The following GGA2 variants were observed in gnomAD, a reference collection of about 807,000 sequenced individuals.
GGA2 encodes golgi associated, gamma adaptin ear containing, ARF binding protein 2.
A neutral mutation model predicts 79.5 loss-of-function variants in GGA2; 48 were observed. The observed-to-expected ratio is 0.60, with a 90% CI of 0.48 to 0.77. GGA2 has a LOEUF of 0.77. Among genes scored for constraint, GGA2 ranks in the 30% least tolerant of loss-of-function variants. GGA2 has a pLI of 0.00. For synonymous variants in GGA2, 317 were observed against 302.0 expected, an observed-to-expected ratio of 1.05 and a Z score of -0.51; for missense variants, 770 against 774.0, an observed-to-expected ratio of 0.99 and a Z score of 0.06.
rs563247470 is a variant in GGA2, at chr16:23,488,233, C to T, written c.579+373G>A. Among the ~76,000 whole-genome samples, 5 of 152,226 alleles carry T rather than the reference C, an allele frequency of 3.3e-5. No individual in the cohort carries two copies. The South Asian group carries it at 1.0e-3, about 32-fold the overall frequency. ...ACACTCCCCACGGGCTATCCTTCTG[C>T]ACCTTCTTTCCCCCAGGAAGGCTGT... On this transcript the variant is annotated intron_variant, in intron 6 of 16. Transcript: ENST00000309859.
chr16:23,489,048 G>A (rs1269852505), intron 5 of GGA2, among the ~76,000 whole-genome samples: 1 of 152,144 alleles, frequency 6.6e-6, no homozygotes, highest in Non-Finnish European at 1.5e-5. Context: ...GGTCCCTGAT[G>A]AAGCTCCTGA....
intron 14 of GGA2, among the ~76,000 whole-genome samples, chr16:23,471,447 C>A (rs1219400721): frequency 6.6e-6 from 1 of 151,892 alleles, no homozygotes; most frequent in African/African-American, 2.4e-5. Flanking sequence ...GATAAAATTA[C>A]AATTCAAGTA....
upstream of GGA2, among the ~76,000 whole-genome samples, chr16:23,511,959 T>C (rs1965070090): frequency 9.2e-6 from 1 of 109,272 alleles, no homozygotes. Flanking sequence ...TAGGCAAGAA[T>C]TATTTTGCAT....
At chr16:23,479,578 C>T (rs1332872604) in intron 11 of GGA2, among the ~76,000 whole-genome samples, 187 bp downstream of exon 11, 1 of 152,062 alleles carries the variant, frequency 6.6e-6, no homozygotes, top group African/African-American at 2.4e-5. Flanking sequence ...CCAGCTCACT[C>T]CCCTACTCAC....
chr16:23,493,325 C>T (rs199739748), intron 4 of GGA2, 35 bp downstream of exon 4: 36 of 1,242,120 alleles, frequency 2.9e-5, no homozygotes, highest in Middle Eastern at 1.9e-4. Flanking sequence ...GGCGTAGGTG[C>T]GACACAGTCA....
chr16:23,477,109 G>A (rs1033130635), intron 13 of GGA2, among the ~76,000 whole-genome samples: 10 of 152,008 alleles, frequency 6.6e-5, no homozygotes, highest in East Asian at 1.9e-4. Context: ...GACCTACCAC[G>A]CCTGGCTAAT....
chr16:23,487,868 G>C (rs950774479), intron 6 of GGA2, among the ~76,000 whole-genome samples: 3 of 152,108 alleles, frequency 2.0e-5, no homozygotes, highest in Non-Finnish European at 4.4e-5. Flanking sequence ...ATACCACGCA[G>C]AAACGAGTAC....
Position 23,464,483 on chromosome 16 carries a change from G to GA in GGA2, c.*3106dup, listed in dbSNP as rs1964409571. 1 of 151,762 alleles carries GA rather than the reference G, an allele frequency of 6.6e-6. No homozygotes were observed. The highest frequency in any genetic ancestry group is 1.5e-5 in the Non-Finnish European group (1 of 68,002). The allele number at this position is 151,762 out of a possible 1,614,324, so 9.4% of individuals were successfully genotyped here. A position where few individuals can be genotyped will look rare whatever the true frequency, so the allele number is the denominator to read the frequency against. ...AATTTTTCACCCTGTCAGATGCTCA[G>GA]ATTTGCTAGAGAACTCTGGTAGTGG... On this transcript the variant is annotated 3_prime_UTR_variant, in exon 17 of 17. Coordinates refer to ENST00000309859, the MANE Select transcript of GGA2 (RefSeq NM_015044.4).
At chr16:23,488,217 A>G (rs1280868597) in intron 6 of GGA2, among the ~76,000 whole-genome samples, 4 of 151,964 alleles carry the variant, frequency 2.6e-5, no homozygotes, top group Admixed American at 2.6e-4. Context: ...CACACTCCCC[A>G]CGGGCTATCC....
At chr16:23,516,114 C>T (rs1038748959) in intron 2 of GGA2, among the ~76,000 whole-genome samples, 8 of 151,830 alleles carry the variant, frequency 5.3e-5, no homozygotes, top group African/African-American at 1.9e-4. Context: ...CTCAAGTGAT[C>T]CTCCCGCCTC....
intron 16 of GGA2, among the ~76,000 whole-genome samples, chr16:23,468,120 CT>C (rs372815363): frequency 4.7e-5 from 6 of 128,920 alleles, no homozygotes; most frequent in Admixed American, 8.0e-5. Flanking sequence ...TTTTTCTCTT[CT>C]CCTTCCTTCC....
intron 1 of GGA2, among the ~76,000 whole-genome samples, chr16:23,500,387 G>A (rs995386984): frequency 1.3e-5 from 2 of 152,104 alleles, no homozygotes; most frequent in Non-Finnish European, 2.9e-5. Flanking sequence ...AGGTAGGGTC[G>A]GCCCAGGGGG....
At chr16:23,500,276 T>C (rs924187475) in intron 1 of GGA2, among the ~76,000 whole-genome samples, 5 of 152,186 alleles carry the variant, frequency 3.3e-5, no homozygotes, top group Non-Finnish European at 5.9e-5. Context: ...CTCTGCAGAC[T>C]TGGAAGCAAG....
In GGA2 at chr16:23,480,705, C is replaced by T; in HGVS notation, c.946G>A (p.Gly316Ser). The change falls in exon 10 of 17, where the codon GGC becomes AGC. Residue 316 changes from glycine (G) to serine (S), a missense_variant. Coordinates refer to ENST00000309859, the MANE Select transcript of GGA2 (RefSeq NM_015044.4). ...ACTCTGTTTCCAAAGGTGACCCGGC[C>T]CTCCATCACCTGTTTGTACAGCAGA... is the stretch of plus-strand genomic sequence containing the variant. The part of the protein sequence containing the change: ...GVLLYKQVME[G>S]RVTFGNRVTS... 6.2e-7 allele frequency: 1 copy of T among 1,613,084 alleles called. No homozygotes were observed. The highest frequency in any genetic ancestry group is 8.5e-7 in the Non-Finnish European group (1 of 1,178,992).
intron 14 of GGA2, among the ~76,000 whole-genome samples, chr16:23,471,153 A>G (rs1964506373): frequency 6.6e-6 from 1 of 152,030 alleles, no homozygotes; most frequent in African/African-American, 2.4e-5. Context: ...TGCATTCTTA[A>G]TTCTACCCAG....
Position 23,470,093 on chromosome 16 carries a change from G to T in GGA2, c.1523C>A (p.Ala508Asp), listed in dbSNP as rs1385979236. Residue 508 changes from alanine (A) to aspartate (D), a missense_variant, in exon 15 of 17, where the codon GCC becomes GAC. Ala to Asp is a moderately radical substitution (Grantham distance 126). Coordinates refer to ENST00000309859, the MANE Select transcript of GGA2 (RefSeq NM_015044.4). ...RILLHFSQTG[A>D]PGHPEVQVLL... Reference sequence around the variant, plus strand: ...CACCTGTACCTCTGGGTGCCCAGGGGCTCCCGTCTGGGAGAAGTGGAGCAG... The same window carrying T: ...CACCTGTACCTCTGGGTGCCCAGGGTCTCCCGTCTGGGAGAAGTGGAGCAG... The T allele has an allele frequency of 2.5e-6, 4 of 1,610,056 alleles. No homozygotes were observed. The East Asian group carries it at 8.9e-5, about 36-fold the overall frequency.
intron 9 of GGA2, among the ~76,000 whole-genome samples, chr16:23,482,119 C>A (rs538381678): frequency 2.6e-5 from 4 of 152,072 alleles, no homozygotes; most frequent in Non-Finnish European, 4.4e-5. Context: ...ACAAAATTAG[C>A]CAGGCGTGAT....
chr16:23,471,257 G>A (rs541032507), intron 14 of GGA2, among the ~76,000 whole-genome samples: 48 of 152,050 alleles, frequency 3.2e-4, no homozygotes, highest in African/African-American at 1.2e-3. Context: ...ATATTTAATT[G>A]TACAAAACTG....
intron 4 of GGA2, 133 bp downstream of exon 4, chr16:23,493,227 G>A: frequency 3.1e-6 from 2 of 651,136 alleles, no homozygotes; most frequent in Non-Finnish European, 5.7e-6. Context: ...GCTTGGAGAG[G>A]AGAGCGCTTC....
Sources: allele counts gnomAD v4.1 joint callset (sites outside exome capture counted in the v4.1 genomes callset), GRCh38; gene constraint gnomAD v4.1.1; transcripts MANE v1.5; gene names NCBI Gene and HGNC (gene_info 2026-07-23, HGNC 2026-07-21).